SORCS2: variants seen among roughly 807,000 people sequenced by gnomAD.
SORCS2 encodes the protein VPS10 domain-containing receptor SorCS2.
Under a neutral mutation model 141.6 loss-of-function variants are expected in SORCS2, and 100 were observed. The ratio of observed to expected loss-of-function variants is 0.71; its 90% CI spans 0.60 to 0.83. The LOEUF (loss-of-function observed/expected upper bound fraction) is 0.83, where lower values mean the gene tolerates loss of function less well. Among genes scored for constraint, SORCS2 ranks in the 40% least tolerant of loss-of-function variants. SORCS2 has a pLI of 0.00. For missense variants in SORCS2, 1,646 were observed against 1,560.2 expected, an observed-to-expected ratio of 1.05 and a Z score of -0.93; for synonymous variants, 789 against 676.9, an observed-to-expected ratio of 1.17 and a Z score of -2.57.
intron 2 of SORCS2, among the ~76,000 whole-genome samples, chr4:7,522,536 A>G (rs1191525242): frequency 6.6e-6 from 1 of 152,112 alleles, no homozygotes; most frequent in Non-Finnish European, 1.5e-5. Context: ...TGGGGAGGTC[A>G]CCTGCGGGAC....
At chr4:7,551,736 C>T (rs556585969) in intron 3 of SORCS2, among the ~76,000 whole-genome samples, 8 of 152,324 alleles carry the variant, frequency 5.3e-5, no homozygotes, top group East Asian at 3.9e-4. Flanking sequence ...CATTCAGCAT[C>T]GAACTCCAGG....
chr4:7,638,515 G>T, intron 4 of SORCS2, 23 bp downstream of exon 4: 1 of 1,599,614 alleles, frequency 6.3e-7, no homozygotes, highest in Non-Finnish European at 8.5e-7. Flanking sequence ...GGTGCCAGTC[G>T]CCTGGTCTGT....
intron 3 of SORCS2, among the ~76,000 whole-genome samples, chr4:7,612,091 C>T (rs1251825460): frequency 6.6e-6 from 1 of 152,158 alleles, no homozygotes; most frequent in Non-Finnish European, 1.5e-5. Flanking sequence ...TGGGAGGAGT[C>T]ATGGGGCCTG....
At chr4:7,245,137 C>T (rs1219767276) in intron 1 of SORCS2, among the ~76,000 whole-genome samples, 1 of 152,168 alleles carries the variant, frequency 6.6e-6, no homozygotes, top group Non-Finnish European at 1.5e-5. Context: ...CCGCTTCTTC[C>T]CCCTTCCCCC....
chr4:7,529,289 C>CCACCCGCACCCCTA (rs1733880447), intron 2 of SORCS2, among the ~76,000 whole-genome samples: 1 of 152,178 alleles, frequency 6.6e-6, no homozygotes, highest in African/African-American at 2.4e-5. Flanking sequence ...CCCTCACCCT[C>CCACCCGCACCCCTA]CACCCGCACC....
chr4:7,399,303 T>C (rs1033085377), intron 2 of SORCS2, among the ~76,000 whole-genome samples: 1 of 151,912 alleles, frequency 6.6e-6, no homozygotes, highest in South Asian at 2.1e-4. Context: ...GGTGCCCTCG[T>C]CTGGAGAGCA....
intron 2 of SORCS2, among the ~76,000 whole-genome samples, chr4:7,503,736 G>A (rs1732110939): frequency 6.6e-6 from 1 of 152,192 alleles, no homozygotes; most frequent in South Asian, 2.1e-4. Context: ...CTCCCCAGAG[G>A]CTAATGCAGG....
Position 7,715,267 on chromosome 4 carries a change from G to A in SORCS2, c.2208G>A (p.Pro736=), listed in dbSNP as rs202085439. The A allele has an allele frequency of 1.5e-4, 235 of 1,613,258 alleles. No homozygotes were observed. Among genetic ancestry groups the A allele is most frequent in the Admixed American group, 3.8e-4 (23 of 59,956 alleles). Residue 736 remains proline, a synonymous_variant, in exon 17 of 27, where the codon CCG becomes CCA. Transcript: ENST00000507866. Reference sequence around the variant, plus strand: ...ACTTCTGGTTTAACCCATTGTCCCCGCCTGACGACTGTGCCCTGGGCCAGA... The same window carrying A: ...ACTTCTGGTTTAACCCATTGTCCCCACCTGACGACTGTGCCCTGGGCCAGA... The part of the protein sequence containing the change: ...SANFWFNPLS[P]PDDCALGQTY...
intron 18 of SORCS2, among the ~76,000 whole-genome samples, chr4:7,719,803 CTA>C (rs1726456933): frequency 2.0e-5 from 3 of 152,250 alleles, no homozygotes; most frequent in African/African-American, 7.2e-5. Flanking sequence ...CGGAGTGTCT[CTA>C]TGGGAGCCAG....
At chr4:7,223,518 T>C (rs1455113323) in intron 1 of SORCS2, among the ~76,000 whole-genome samples, 1 of 152,202 alleles carries the variant, frequency 6.6e-6, no homozygotes, top group Non-Finnish European at 1.5e-5. Flanking sequence ...ATTAATACCC[T>C]TGGATACAAC....
At chr4:7,733,294 T>C in intron 23 of SORCS2, 28 bp from the exon 24 acceptor site, 1 of 1,502,324 alleles carries the variant, frequency 6.7e-7, no homozygotes, top group Admixed American at 2.1e-5. Context: ...CATGGAGGCC[T>C]CACTCACTGT....
intron 2 of SORCS2, among the ~76,000 whole-genome samples, chr4:7,516,647 G>C (rs1054936119): frequency 6.6e-6 from 1 of 152,158 alleles, no homozygotes; most frequent in African/African-American, 2.4e-5. Flanking sequence ...GGGGCTGCAC[G>C]GAGTCTGGGA....
At position 7,734,231 on chromosome 4, in the gene SORCS2, C is replaced by T. The variant is rs371033854; in HGVS notation, c.3209-41C>T. Reference sequence around the variant, plus strand: ...GGGCTGGGGATGGGACAGGGATGGGCGGTGCCCGAGGTCCTCCACTGACAA... The same window carrying T: ...GGGCTGGGGATGGGACAGGGATGGGTGGTGCCCGAGGTCCTCCACTGACAA... On this transcript the variant is annotated intron_variant, in intron 24 of 26. Transcript: ENST00000507866. The T allele has an allele frequency of 1.9e-4, 273 of 1,456,390 alleles. 1 individual carries two copies. The African/African-American group carries it at 2.8e-3, about 15-fold the overall frequency. The allele number at this position is 1,456,390 out of a possible 1,614,324, so 90.2% of individuals were successfully genotyped here. A position where few individuals can be genotyped will look rare whatever the true frequency, so the allele number is the denominator to read the frequency against.
intron 4 of SORCS2, among the ~76,000 whole-genome samples, chr4:7,652,060 T>A (rs1285859594): frequency 6.6e-6 from 1 of 152,162 alleles, no homozygotes; most frequent in African/African-American, 2.4e-5. Context: ...CAGTTTCTCA[T>A]ATGGAGAATG....
At chr4:7,368,459 G>A (rs1722041938) in intron 1 of SORCS2, among the ~76,000 whole-genome samples, 1 of 152,166 alleles carries the variant, frequency 6.6e-6, no homozygotes, top group Non-Finnish European at 1.5e-5. Context: ...CGGGAGTCCT[G>A]GCCTTCAGGG....
chr4:7,678,869 T>A (rs1191566205), intron 9 of SORCS2, among the ~76,000 whole-genome samples: 1 of 152,350 alleles, frequency 6.6e-6, no homozygotes, highest in East Asian at 1.9e-4. Context: ...GTGGGTTTCT[T>A]AACCTCTCTG....
chr4:7,506,950 A>G (rs1732309900), intron 2 of SORCS2, among the ~76,000 whole-genome samples: 1 of 152,004 alleles, frequency 6.6e-6, no homozygotes, highest in Non-Finnish European at 1.5e-5. Flanking sequence ...GAAGATTTCC[A>G]CAAAGGTCAG....
intron 18 of SORCS2, among the ~76,000 whole-genome samples, chr4:7,718,860 G>A (rs1227740063): frequency 2.0e-5 from 3 of 152,194 alleles, no homozygotes; most frequent in African/African-American, 4.8e-5. Context: ...GGTAACAACT[G>A]TTAGTTTTTT....
intron 3 of SORCS2, among the ~76,000 whole-genome samples, chr4:7,635,874 T>C (rs755635566): frequency 3.3e-5 from 5 of 152,234 alleles, no homozygotes; most frequent in African/African-American, 1.2e-4. Flanking sequence ...GGTTTTGTGC[T>C]AGCGGAGATT....
Sources: gnomAD v4.1 joint callset for allele counts (sites outside exome capture counted in the v4.1 genomes callset) on GRCh38, gnomAD v4.1.1 for gene constraint, MANE v1.5 for transcripts, NCBI Gene and HGNC (gene_info 2026-07-23, HGNC 2026-07-21) for gene names.